SNTG1: variants seen among roughly 807,000 people sequenced by gnomAD.
The protein encoded by SNTG1 is gamma-1-syntrophin.
In SNTG1, 39 loss-of-function variants were observed where a neutral mutation model predicts 74.7. The observed-to-expected ratio is 0.52, with a 90% CI of 0.40 to 0.68. The LOEUF is 0.68. Among genes scored for constraint, SNTG1 ranks in the 30% least tolerant of loss-of-function variants. The probability of loss-of-function intolerance (pLI) is 0.00; values close to 1 mark genes in which losing one functional copy is unlikely to be tolerated. For synonymous variants in SNTG1, 254 were observed against 217.1 expected, an observed-to-expected ratio of 1.17 and a Z score of -1.49; for missense variants, 685 against 609.5, an observed-to-expected ratio of 1.12 and a Z score of -1.30.
chr8:50,451,288 G>A (rs2093454683), intron 8 of SNTG1, among the ~76,000 whole-genome samples: 1 of 152,110 alleles, frequency 6.6e-6, no homozygotes, highest in Non-Finnish European at 1.5e-5. Context: ...AGGCATACAG[G>A]AGGATGTGCA....
chr8:50,216,287 A>G (rs1047192488), intron 2 of SNTG1, among the ~76,000 whole-genome samples: 2 of 152,046 alleles, frequency 1.3e-5, no homozygotes, highest in African/African-American at 4.8e-5. Context: ...CTCATTAATC[A>G]CTTCTAGTTC....
intron 8 of SNTG1, among the ~76,000 whole-genome samples, chr8:50,462,279 A>G (rs548619962): frequency 6.6e-6 from 1 of 150,650 alleles, no homozygotes; most frequent in African/African-American, 2.4e-5. Context: ...TCTATTATGC[A>G]TGCAATAGGA....
intron 1 of SNTG1, among the ~76,000 whole-genome samples, chr8:50,020,628 TAC>T (rs780652226): frequency 6.6e-6 from 1 of 152,148 alleles, no homozygotes; most frequent in African/African-American, 2.4e-5. Context: ...TTGGTTTTGA[TAC>T]ACACACATCT....
chr8:49,930,380 C>A (rs1321926963), intron 1 of SNTG1, among the ~76,000 whole-genome samples: 1 of 151,864 alleles, frequency 6.6e-6, no homozygotes, highest in Non-Finnish European at 1.5e-5. Context: ...CATACTATAA[C>A]CTCAATATAT....
chr8:50,778,416 C>T (rs2095647796), intron 18 of SNTG1, among the ~76,000 whole-genome samples: 1 of 151,888 alleles, frequency 6.6e-6, no homozygotes, highest in Non-Finnish European at 1.5e-5. Context: ...GAGATGGTAT[C>T]TCATTGTGGT....
intron 17 of SNTG1, among the ~76,000 whole-genome samples, chr8:50,712,278 G>T (rs2095463755): frequency 6.6e-6 from 1 of 152,094 alleles, no homozygotes; most frequent in Non-Finnish European, 1.5e-5. Context: ...ATGTCTGTGG[G>T]TATCTAAGAG....
At chr8:50,459,579 G>T (rs1022858571) in intron 8 of SNTG1, among the ~76,000 whole-genome samples, 24 of 151,834 alleles carry the variant, frequency 1.6e-4, no homozygotes, top group African/African-American at 5.8e-4. Flanking sequence ...TTTTACCTGG[G>T]TATACTGCAT....
intron 8 of SNTG1, among the ~76,000 whole-genome samples, chr8:50,494,501 ACT>A (rs2093886481): frequency 6.6e-6 from 1 of 151,996 alleles, no homozygotes. Context: ...CAGTTTTATC[ACT>A]CTGTTCCTGA....
intron 18 of SNTG1, among the ~76,000 whole-genome samples, chr8:50,766,856 AC>A (rs1168824366): frequency 2.6e-5 from 4 of 151,976 alleles, no homozygotes; most frequent in South Asian, 2.1e-4. Context: ...ATAAAGTGCT[AC>A]ATTTTAAAAT....
Position 50,792,700 on chromosome 8 carries a change from T to C in SNTG1, c.1425T>C (p.Val475=). 4 of 1,611,820 alleles carry C rather than the reference T, an allele frequency of 2.5e-6. No individual in the cohort carries two copies. The highest frequency in any genetic ancestry group is 1.3e-5 in the African/African-American group (1 of 74,940). Residue 475 remains valine, a synonymous_variant, in exon 19 of 19, where the codon GTT becomes GTC. Coordinates refer to ENST00000642720, the MANE Select transcript of SNTG1 (RefSeq NM_018967.5). Reference sequence around the variant, plus strand: ...TGGAATTTTCTAATTTATTTGCTGTTCTTCACTGCATTCATTCCTTCTTTG... The same window carrying C: ...TGGAATTTTCTAATTTATTTGCTGTCCTTCACTGCATTCATTCCTTCTTTG... ...KELEFSNLFA[V]LHCIHSFFAA... is the part of the protein sequence containing the mutation.
intron 2 of SNTG1, among the ~76,000 whole-genome samples, chr8:50,277,090 A>T (rs1196716034): frequency 6.6e-6 from 1 of 152,022 alleles, no homozygotes; most frequent in Non-Finnish European, 1.5e-5. Context: ...GGCCTCCCAG[A>T]GTGCTGGGAT....
chr8:50,364,552 C>T lies in SNTG1; in HGVS notation c.-27-29660C>T, dbSNP rs1031772047. Among the ~76,000 whole-genome samples, 17 of 152,090 alleles carry T rather than the reference C, an allele frequency of 1.1e-4. No individual in the cohort carries two copies. In the South Asian group the frequency reaches 1.7e-3, roughly 15 times the overall value. On this transcript the variant is annotated intron_variant, in intron 2 of 18. Coordinates refer to ENST00000642720, the MANE Select transcript of SNTG1 (RefSeq NM_018967.5). ...TGTGTTTTTCTTTAGGATTCTATAT[C>T]GTATATCTTAAAATGCTTATATCAT...
intron 1 of SNTG1, among the ~76,000 whole-genome samples, chr8:49,951,873 C>CAAAAAAAAAAAAAAAAAAAAAAAAAA (rs5891338): frequency 1.1e-4 from 6 of 56,296 alleles, no homozygotes; most frequent in South Asian, 1.2e-3. Context: ...GGAAAATTCA[C>CAAAAAAAAAAAAAAAAAAAAAAAAAA]AAAAAAAAAA....
chr8:50,571,708 C>T (rs2094549785), intron 12 of SNTG1, among the ~76,000 whole-genome samples: 2 of 152,200 alleles, frequency 1.3e-5, no homozygotes, highest in African/African-American at 2.4e-5. Context: ...AAGGAAACAA[C>T]TTTCACCTCT....
At chr8:50,224,737 G>C (rs1263403390) in intron 2 of SNTG1, among the ~76,000 whole-genome samples, 1 of 152,066 alleles carries the variant, frequency 6.6e-6, no homozygotes, top group Non-Finnish European at 1.5e-5. Flanking sequence ...AGGCATAGCT[G>C]ACCAGCATTA....
rs1431502315 is a variant in SNTG1, at chr8:50,418,762, C to T, written c.162+16418C>T. Among the ~76,000 whole-genome samples, 5 of 152,228 alleles carry T rather than the reference C, an allele frequency of 3.3e-5. No homozygotes were observed. In the East Asian group the frequency reaches 9.7e-4, roughly 29 times the overall value. ...TTATTCCCCAAATTAATTCCCTTCA[C>T]AACGTTTCCTATCCCAATAGAGTAA... is the stretch of plus-strand genomic sequence containing the variant. On this transcript the variant is annotated intron_variant, in intron 4 of 18. Transcript: ENST00000642720.
rs1253243033 is a variant in SNTG1, at chr8:50,795,376, C to T, written c.*2547C>T. 6.6e-6 allele frequency: 1 copy of T among 152,018 alleles called. No individual in the cohort carries two copies. Among genetic ancestry groups the T allele is most frequent in the African/African-American group, 2.4e-5 (1 of 41,418 alleles). The allele number at this position is 152,018 out of a possible 1,614,324, so 9.4% of individuals were successfully genotyped here. ...TTGGCATTTGTTATAACTTGGACTACTTGAATGAGAAAGCTTTGAAATGAA... is the reference window on the plus strand; with the variant it reads ...TTGGCATTTGTTATAACTTGGACTATTTGAATGAGAAAGCTTTGAAATGAA... On this transcript the variant is annotated 3_prime_UTR_variant, in exon 19 of 19. Transcript: ENST00000642720.
At chr8:50,778,467 T>C (rs1412665574) in intron 18 of SNTG1, among the ~76,000 whole-genome samples, 4 of 151,920 alleles carry the variant, frequency 2.6e-5, no homozygotes, top group Non-Finnish European at 5.9e-5. Flanking sequence ...TGGTGAGCAT[T>C]TTTTCATGTG....
chr8:50,411,750 T>G (rs2092952207), intron 4 of SNTG1, among the ~76,000 whole-genome samples: 1 of 152,192 alleles, frequency 6.6e-6, no homozygotes, highest in African/African-American at 2.4e-5. Context: ...TTTACGTTCC[T>G]AATTTCCCAG....
Sources: gnomAD v4.1 joint callset for allele counts (sites outside exome capture counted in the v4.1 genomes callset) on GRCh38, gnomAD v4.1.1 for gene constraint, MANE v1.5 for transcripts, NCBI Gene and HGNC (gene_info 2026-07-23, HGNC 2026-07-21) for gene names.